ELOVL7: variants seen among roughly 807,000 people sequenced by gnomAD.
The protein encoded by ELOVL7 is ELOVL fatty acid elongase 7.
ELOVL7 carries 27 observed loss-of-function variants against 35.7 expected under a neutral mutation model. The observed-to-expected ratio is 0.76, with a 90% CI of 0.56 to 1.04. The LOEUF (loss-of-function observed/expected upper bound fraction) is 1.04, where lower values mean the gene tolerates loss of function less well. ELOVL7 is among the 50% of genes least tolerant of loss of function. ELOVL7 has a pLI of 0.00. For synonymous variants in ELOVL7, 113 were observed against 114.6 expected, an observed-to-expected ratio of 0.99 and a Z score of 0.09; for missense variants, 327 against 340.8, an observed-to-expected ratio of 0.96 and a Z score of 0.32.
chr5:60,781,397 C>T (rs1190427442), intron 3 of ELOVL7, among the ~76,000 whole-genome samples: 1 of 151,898 alleles, frequency 6.6e-6, no homozygotes, highest in Non-Finnish European at 1.5e-5. Flanking sequence ...GCTTAAATGT[C>T]AGTAAAAGAA....
At chr5:60,783,321 T>C (rs1418100917) in intron 3 of ELOVL7, among the ~76,000 whole-genome samples, 1 of 152,196 alleles carries the variant, frequency 6.6e-6, no homozygotes, top group Admixed American at 6.5e-5. Flanking sequence ...AGCTCTCCCT[T>C]ACTGAGAAAT....
At position 60,764,275 on chromosome 5, in the gene ELOVL7, G is replaced by GA. The variant is rs1456819180; in HGVS notation, c.450dup (p.His151SerfsTer131). ...CACCAGGTCCACGGCATGATGGTAT[G>GA]ATGGAATACATGAAGGAAAGTCACT... On this transcript the variant is annotated frameshift_variant, in exon 7 of 9. Transcript: ENST00000508821. LOFTEE classifies it high-confidence loss of function. 6.2e-7 allele frequency: 1 copy of GA among 1,613,824 alleles called. No individual in the cohort carries two copies. The highest frequency in any genetic ancestry group is 2.2e-5 in the East Asian group (1 of 44,848).
At chr5:60,838,011 C>G (rs1399880500) in intron 1 of ELOVL7, among the ~76,000 whole-genome samples, 1 of 152,178 alleles carries the variant, frequency 6.6e-6, no homozygotes, top group African/African-American at 2.4e-5. Context: ...AGATAAAGGC[C>G]TGATGGGAGG....
rs1199779258 is a variant in ELOVL7 at position 60,764,125 on chromosome 5, A to AT, written c.499+101dup. 5 of 765,342 alleles carry AT rather than the reference A, an allele frequency of 6.5e-6. No homozygotes were observed. The African/African-American group carries it at 7.1e-5, about 11-fold the overall frequency. 47.4% of individuals were successfully genotyped at this position (765,342 alleles called of 1,614,324 possible). On this transcript the variant is annotated intron_variant, in intron 7 of 8. Coordinates refer to ENST00000508821, the MANE Select transcript of ELOVL7 (RefSeq NM_024930.3). ...TAAGTATAAACAAAGTGACTCTTTG[A>AT]TTTTTTTGAGTTTCTTATAAATCAC...
At position 60,754,773 on chromosome 5, in the gene ELOVL7, A is replaced by T; in HGVS notation, c.697T>A (p.Tyr233Asn). 1 of 1,614,194 alleles carries T rather than the reference A, an allele frequency of 6.2e-7. No homozygotes were observed. The highest frequency in any genetic ancestry group is 8.5e-7 in the Non-Finnish European group (1 of 1,180,026). The part of the protein sequence containing the change: ...SQFFFMEDCK[Y>N]QFPVFACIIM... ...ATGCACGCAAAGACTGGAAACTGAT[A>T]CTTGCAATCCTCCATGAAAAAGAAC... The change falls in exon 9 of 9, where the codon TAT (tyrosine) becomes AAT (asparagine). Residue 233 changes from tyrosine to asparagine, a missense_variant. Tyr to Asn is a moderately radical substitution (Grantham distance 143). Coordinates refer to ENST00000508821, the MANE Select transcript of ELOVL7 (RefSeq NM_024930.3).
At chr5:60,799,529 A>G (rs907600463) in intron 1 of ELOVL7, among the ~76,000 whole-genome samples, 1 of 152,238 alleles carries the variant, frequency 6.6e-6, no homozygotes, top group African/African-American at 2.4e-5. Context: ...GCAAAGGATC[A>G]TAAGAACTAC....
chr5:60,795,321 C>T (rs189456817), intron 2 of ELOVL7, among the ~76,000 whole-genome samples: 3 of 152,090 alleles, frequency 2.0e-5, no homozygotes, highest in Non-Finnish European at 4.4e-5. Flanking sequence ...CCTTTAAACA[C>T]GGGGCTTGTA....
At chr5:60,820,333 G>A (rs1489867494) in intron 1 of ELOVL7, among the ~76,000 whole-genome samples, 1 of 152,150 alleles carries the variant, frequency 6.6e-6, no homozygotes, top group Non-Finnish European at 1.5e-5. Context: ...GTGCCAACCT[G>A]GAATTCTGAC....
chr5:60,843,911 C>T (rs1747339427), intron 1 of ELOVL7, among the ~76,000 whole-genome samples: 1 of 152,074 alleles, frequency 6.6e-6, no homozygotes, highest in Admixed American at 6.5e-5. Flanking sequence ...GCGAAAAGGG[C>T]CTCGGTCCTC....
At chr5:60,818,727 G>T (rs1745683900) in intron 1 of ELOVL7, among the ~76,000 whole-genome samples, 1 of 151,948 alleles carries the variant, frequency 6.6e-6, no homozygotes, top group Non-Finnish European at 1.5e-5. Context: ...AAAACTTGAG[G>T]CTGGGCATGG....
intron 1 of ELOVL7, among the ~76,000 whole-genome samples, chr5:60,811,052 C>A (rs960441325): frequency 6.6e-6 from 1 of 152,122 alleles, no homozygotes; most frequent in African/African-American, 2.4e-5. Flanking sequence ...TAACTGTATT[C>A]TATTTGTGCT....
chr5:60,776,671 G>A, intron 3 of ELOVL7, among the ~76,000 whole-genome samples: 1 of 152,046 alleles, frequency 6.6e-6, no homozygotes. Context: ...CTAAGTCTTG[G>A]GTACATGCAG....
rs182782097 is a variant in ELOVL7 at position 60,788,112 on chromosome 5, C to T, written c.-34-681G>A. ...ACTGTGGCACTGGCACATGGAGAAACGAACGTAATAGATTAGAATGTTCAG... is the reference window on the plus strand; with the variant it reads ...ACTGTGGCACTGGCACATGGAGAAATGAACGTAATAGATTAGAATGTTCAG... On this transcript the variant is annotated intron_variant, in intron 2 of 8. Coordinates refer to ENST00000508821, the MANE Select transcript of ELOVL7 (RefSeq NM_024930.3). Among the ~76,000 whole-genome samples, 11 of 152,110 alleles carry T rather than the reference C, an allele frequency of 7.2e-5. No individual in the cohort carries two copies. The East Asian group carries it at 9.7e-4, about 13-fold the overall frequency.
intron 1 of ELOVL7, among the ~76,000 whole-genome samples, chr5:60,801,532 T>C (rs1411623178): frequency 2.0e-5 from 3 of 151,708 alleles, no homozygotes; most frequent in African/African-American, 7.3e-5. Context: ...TGAGCCTCCA[T>C]CTCTACAAAA....
chr5:60,837,893 G>A (rs922791034), intron 1 of ELOVL7, among the ~76,000 whole-genome samples: 5 of 152,164 alleles, frequency 3.3e-5, no homozygotes, highest in African/African-American at 7.2e-5. Flanking sequence ...CCAAGAGCAT[G>A]CCATTGCACT....
intron 1 of ELOVL7, among the ~76,000 whole-genome samples, chr5:60,806,425 C>G (rs1744928903): frequency 6.6e-6 from 1 of 152,040 alleles, no homozygotes; most frequent in East Asian, 1.9e-4. Flanking sequence ...TGGGAGCAGA[C>G]TAAATCTCTG....
intron 1 of ELOVL7, among the ~76,000 whole-genome samples, chr5:60,837,254 G>GAAACCCCGTCTCTACTAA: frequency 7.0e-6 from 1 of 142,674 alleles, no homozygotes; most frequent in East Asian, 2.2e-4. Context: ...CCACCACGGT[G>GAAACCCCGTCTCTACTAA]AAACCCCGTC....
intron 2 of ELOVL7, among the ~76,000 whole-genome samples, chr5:60,787,719 G>A (rs925593022): frequency 2.0e-5 from 3 of 152,188 alleles, no homozygotes; most frequent in Non-Finnish European, 4.4e-5. Context: ...TTTCATAGGA[G>A]CAGCTCCCTT....
At chr5:60,801,305 T>C (rs1744596963) in intron 1 of ELOVL7, among the ~76,000 whole-genome samples, 1 of 152,042 alleles carries the variant, frequency 6.6e-6, no homozygotes, top group African/African-American at 2.4e-5. Flanking sequence ...GACTGGAGGA[T>C]CTAGCCACAG....
Sources: allele counts gnomAD v4.1 joint callset (sites outside exome capture counted in the v4.1 genomes callset), GRCh38; gene constraint gnomAD v4.1.1; transcripts MANE v1.5; gene names NCBI Gene and HGNC (gene_info 2026-07-23, HGNC 2026-07-21).